Variants in MYO10 observed in about 807,000 individuals in gnomAD.
The protein encoded by MYO10 is myosin X.
In MYO10, 133 loss-of-function variants were observed where a neutral mutation model predicts 257.3. That is an observed-to-expected ratio of 0.52 (90% CI 0.45 to 0.60). The LOEUF is 0.60. MYO10 is among the 20% of genes least tolerant of loss of function. MYO10 has a pLI of 0.00. For missense variants in MYO10, 2,399 were observed against 2,635.7 expected, an observed-to-expected ratio of 0.91 and a Z score of 1.97; for synonymous variants, 1,104 against 1,028.6, an observed-to-expected ratio of 1.07 and a Z score of -1.40.
intron 1 of MYO10, among the ~76,000 whole-genome samples, chr5:16,933,642 T>C (rs957911697): frequency 6.6e-6 from 1 of 152,224 alleles, no homozygotes; most frequent in Non-Finnish European, 1.5e-5. Context: ...AACAGGACAT[T>C]AATTACAGCA....
chr5:16,864,094 T>C (rs1744177397), intron 2 of MYO10, among the ~76,000 whole-genome samples: 1 of 151,586 alleles, frequency 6.6e-6, no homozygotes, highest in African/African-American at 2.4e-5. Context: ...TGAGAACCTG[T>C]CTCCAAAACC....
At chr5:16,792,503 C>T (rs1741796560) in intron 4 of MYO10, among the ~76,000 whole-genome samples, 1 of 152,192 alleles carries the variant, frequency 6.6e-6, no homozygotes. Context: ...ATTCTCCATC[C>T]ATTTCCCTGC....
At chr5:16,870,675 C>CGCT in intron 2 of MYO10, among the ~76,000 whole-genome samples, 1 of 151,944 alleles carries the variant, frequency 6.6e-6, no homozygotes, top group Non-Finnish European at 1.5e-5. Flanking sequence ...GGTGAATCAT[C>CGCT]TGAGGTTGGG....
chr5:16,905,520 G>A (rs757770209), intron 1 of MYO10, among the ~76,000 whole-genome samples: 5 of 151,998 alleles, frequency 3.3e-5, no homozygotes, highest in Non-Finnish European at 7.4e-5. Context: ...TCACCCTCCC[G>A]TCCTGCAGGA....
At chr5:16,923,304 T>C (rs2126802472) in intron 1 of MYO10, among the ~76,000 whole-genome samples, 1 of 151,470 alleles carries the variant, frequency 6.6e-6, no homozygotes, top group South Asian at 2.1e-4. Context: ...TTTTTTTTTT[T>C]TGAGGCGGAA....
At chr5:16,693,584 T>G (rs1011306768) in intron 27 of MYO10, among the ~76,000 whole-genome samples, 1 of 152,240 alleles carries the variant, frequency 6.6e-6, no homozygotes, top group African/African-American at 2.4e-5. Flanking sequence ...AACATTTTAC[T>G]TTTAAGGCTC....
In MYO10 at chr5:16,893,196, CAAA is replaced by C. The variant is rs59761183; in HGVS notation, c.22-15492_22-15490del. Among the ~76,000 whole-genome samples, 5 of 69,572 alleles carry C rather than the reference CAAA, an allele frequency of 7.2e-5. No homozygotes were observed. The Admixed American group carries it at 7.3e-4, about 10-fold the overall frequency. The allele number at this position is 69,572 out of a possible 152,430, so 45.6% of individuals were successfully genotyped here. ...TGGGTGACACAGTGAGACTCTGTCT[CAAA>C]AAAAAAAAAAAAAAAAGAACTTACA... On this transcript the variant is annotated intron_variant, in intron 1 of 40. Transcript: ENST00000513610.
intron 1 of MYO10, among the ~76,000 whole-genome samples, chr5:16,917,866 C>T (rs945900938): frequency 6.6e-6 from 1 of 152,046 alleles, no homozygotes; most frequent in African/African-American, 2.4e-5. Context: ...AAAAGCAAGA[C>T]CCTGGGTCCA....
intron 2 of MYO10, among the ~76,000 whole-genome samples, chr5:16,829,886 T>TACACAC (rs138178405): frequency 1.5e-4 from 22 of 150,770 alleles, no homozygotes; most frequent in Non-Finnish European, 2.5e-4. Flanking sequence ...GAACGGCTAA[T>TACACAC]ACACACACAC....
rs929385711 is a variant in MYO10, at chr5:16,670,833, C to G, written c.5576G>C (p.Arg1859Thr). 14 of 1,613,892 alleles carry G rather than the reference C, an allele frequency of 8.7e-6. No individual in the cohort carries two copies. In the Admixed American group the frequency reaches 2.3e-4, roughly 27 times the overall value. Residue 1859 changes from arginine (R) to threonine (T), a missense_variant, in exon 39 of 41, where the codon AGA (arginine) becomes ACA (threonine). By Grantham distance (71) the Arg-to-Thr change is moderately conservative. This residue lies in a region of MYO10 where 1,820 missense variants were observed against 1,939.4 expected (regional missense o/e 0.94). Coordinates refer to ENST00000513610, the MANE Select transcript of MYO10 (RefSeq NM_012334.3). The part of the protein sequence containing the change: ...PPLEEVYSLQ[R>T]LKARISQSTK... Reference sequence around the variant, plus strand: ...TGACTGGCTGATGCGGGCCTTGAGTCTCTGCAGGGAATAAACCTCTTCGAG... The same window carrying G: ...TGACTGGCTGATGCGGGCCTTGAGTGTCTGCAGGGAATAAACCTCTTCGAG...
At chr5:16,815,224 A>G in intron 3 of MYO10, 1 of 477,102 alleles carries the variant, frequency 2.1e-6, no homozygotes, top group Non-Finnish European at 3.7e-6. Flanking sequence ...CAAAATATAG[A>G]TTGAGCATCC....
At chr5:16,797,196 C>A (rs1225239995) in intron 3 of MYO10, among the ~76,000 whole-genome samples, 1 of 152,110 alleles carries the variant, frequency 6.6e-6, no homozygotes, top group Non-Finnish European at 1.5e-5. Flanking sequence ...GCTGTAAAAT[C>A]TGAAGCTTTT....
intron 2 of MYO10, among the ~76,000 whole-genome samples, chr5:16,835,653 C>G (rs1459121428): frequency 6.6e-6 from 1 of 151,792 alleles, no homozygotes; most frequent in Admixed American, 6.6e-5. Flanking sequence ...CCACACTCTT[C>G]CTGTCCACCA....
rs137889184 is a variant in MYO10 at position 16,844,923 on chromosome 5, A to G, written c.121-26756T>C. On this transcript the variant is annotated intron_variant, in intron 2 of 40. Coordinates refer to ENST00000513610, the MANE Select transcript of MYO10 (RefSeq NM_012334.3). ...CTCTCCAACAAGATTTTATTCCAAC[A>G]AAGTAATTCCAGATACACACACACA... Among the ~76,000 whole-genome samples, 234 of 150,632 alleles carry G rather than the reference A, an allele frequency of 1.6e-3. 5 individuals are homozygous for G. The East Asian group carries it at 0.043, about 28-fold the overall frequency.
intron 19 of MYO10, chr5:16,742,097 C>T: frequency 1.0e-6 from 1 of 985,422 alleles, no homozygotes; most frequent in Admixed American, 6.1e-5. Flanking sequence ...AATTACATTT[C>T]AGGGCCCAAA....
chr5:16,918,841 CACTT>C (rs958649285), intron 1 of MYO10, among the ~76,000 whole-genome samples: 6 of 152,144 alleles, frequency 3.9e-5, no homozygotes, highest in African/African-American at 7.2e-5. Context: ...GAACAGGGAT[CACTT>C]ACTTACGCCA....
chr5:16,686,485 G>A (rs1463968446), intron 28 of MYO10, among the ~76,000 whole-genome samples: 2 of 151,836 alleles, frequency 1.3e-5, no homozygotes, highest in African/African-American at 4.8e-5. Flanking sequence ...TTTTGGGTAA[G>A]GGATACTCAA....
intron 9 of MYO10, among the ~76,000 whole-genome samples, chr5:16,769,676 A>C (rs750155587): frequency 6.6e-6 from 1 of 151,916 alleles, no homozygotes. Flanking sequence ...AGGACATTAC[A>C]TAGTGCACAT....
At chr5:16,896,911 T>G (rs1561046081) in intron 1 of MYO10, among the ~76,000 whole-genome samples, 1 of 150,880 alleles carries the variant, frequency 6.6e-6, no homozygotes. Context: ...CAAAACAATC[T>G]TGCATTAGCT....
Sources: gnomAD v4.1 joint callset for allele counts (sites outside exome capture counted in the v4.1 genomes callset) on GRCh38, gnomAD v4.1.1 for gene constraint, gnomAD v4.1.1 regional missense constraint, MANE v1.5 for transcripts, NCBI Gene and HGNC (gene_info 2026-07-23, HGNC 2026-07-21) for gene names.